HELZ: variants seen among roughly 807,000 people sequenced by gnomAD.
The protein encoded by HELZ is helicase with zinc finger.
HELZ carries 23 observed loss-of-function variants against 218.2 expected under a neutral mutation model. That is an observed-to-expected ratio of 0.11 (90% CI 0.08 to 0.15). HELZ has a LOEUF of 0.15. HELZ is among the 10% of genes least tolerant of loss of function. The pLI is 1.00. For missense variants in HELZ, 1,813 were observed against 2,353.7 expected (o/e 0.77, Z 4.75); for synonymous variants, 814 against 829.4 (o/e 0.98, Z 0.32).
intron 3 of HELZ, among the ~76,000 whole-genome samples, chr17:67,236,353 CAGT>C (rs1567918031): frequency 6.6e-6 from 1 of 152,064 alleles, no homozygotes; most frequent in Admixed American, 6.6e-5. Context: ...CCCTTGAAAA[CAGT>C]AGGACAATAT....
rs1309715492 is a variant in HELZ at position 67,075,083 on chromosome 17, T to C, written c.*3169A>G. ...CCCCCTTTAAAGACACACAAGAAAA[T>C]ATCCATGTTACACGGAATGAGGTTC... On this transcript the variant is annotated 3_prime_UTR_variant, in exon 33 of 33. Coordinates refer to ENST00000358691, the MANE Select transcript of HELZ (RefSeq NM_014877.4). The C allele has an allele frequency of 6.6e-6, 1 of 151,868 alleles. No individual in the cohort carries two copies. Among genetic ancestry groups the C allele is most frequent in the Non-Finnish European group, 1.5e-5 (1 of 67,942 alleles). The allele number at this position is 151,868 out of a possible 1,614,324, so 9.4% of individuals were successfully genotyped here.
intron 9 of HELZ, among the ~76,000 whole-genome samples, chr17:67,193,344 CAAAA>C (rs34516607): frequency 4.4e-5 from 4 of 91,862 alleles, no homozygotes; most frequent in Non-Finnish European, 6.5e-5. Context: ...GACTCTGTCT[CAAAA>C]AAAAAAAAAA....
intron 5 of HELZ, among the ~76,000 whole-genome samples, chr17:67,208,591 T>C (rs2040366417): frequency 6.6e-6 from 1 of 151,982 alleles, no homozygotes; most frequent in Admixed American, 6.6e-5. Flanking sequence ...TTTTAAAAAA[T>C]AGTTTGTAAC....
intron 6 of HELZ, 36 bp from the exon 7 acceptor site, chr17:67,201,221 G>C (rs1198936354): frequency 7.1e-7 from 1 of 1,406,256 alleles, no homozygotes. Flanking sequence ...GAACCAATTA[G>C]TATATTAATT....
intron 13 of HELZ, among the ~76,000 whole-genome samples, chr17:67,171,019 T>C (rs1353275093): frequency 1.3e-5 from 2 of 151,368 alleles, no homozygotes; most frequent in African/African-American, 2.5e-5. Context: ...AAGAATCTTT[T>C]TGCTAAGATG....
chr17:67,127,991 C>T (rs1296929792), intron 24 of HELZ, among the ~76,000 whole-genome samples: 1 of 152,160 alleles, frequency 6.6e-6, no homozygotes. Flanking sequence ...TCAGAACCTT[C>T]TTTTCTAGAT....
intron 12 of HELZ, among the ~76,000 whole-genome samples, chr17:67,181,718 A>T (rs1783859375): frequency 1.3e-5 from 2 of 152,118 alleles, no homozygotes; most frequent in Admixed American, 6.5e-5. Flanking sequence ...TTGAAAAAAA[A>T]ATCCACATAT....
At chr17:67,137,416 A>G (rs1168935103) in intron 22 of HELZ, among the ~76,000 whole-genome samples, 1 of 152,202 alleles carries the variant, frequency 6.6e-6, no homozygotes, top group Admixed American at 6.6e-5. Flanking sequence ...ACTGCTGTAT[A>G]TTACTCTTAC....
chr17:67,198,677 GT>G (rs547173018), intron 7 of HELZ, among the ~76,000 whole-genome samples: 58 of 152,264 alleles, frequency 3.8e-4, no homozygotes, highest in Admixed American at 9.1e-4. Flanking sequence ...TCAGTCTTGA[GT>G]TCCAGGTCTT....
intron 27 of HELZ, among the ~76,000 whole-genome samples, chr17:67,118,608 CAGG>C (rs2037498540): frequency 7.2e-6 from 1 of 138,188 alleles, no homozygotes; most frequent in Admixed American, 8.3e-5. Flanking sequence ...CCCAGATACT[CAGG>C]AGGCTGAGGT....
In HELZ at chr17:67,086,972, C is replaced by T; in HGVS notation, c.5351G>A (p.Cys1784Tyr). ...VSTPQDSLAQCKELQDHSNQS... is the reference protein window; with the variant it reads ...VSTPQDSLAQYKELQDHSNQS... ...GTTACTGTGGTCCTGAAGCTCTTTA[C>T]ACTGAGCCAGACTGTCTTGAGGAGT... is the stretch of plus-strand genomic sequence containing the variant. Residue 1784 changes from cysteine to tyrosine, a missense_variant, in exon 32 of 33, where the codon TGT becomes TAT. Transcript: ENST00000358691. The T allele has an allele frequency of 6.2e-7, 1 of 1,614,008 alleles. No homozygotes were observed. Among genetic ancestry groups the T allele is most frequent in the Non-Finnish European group, 8.5e-7 (1 of 1,180,030 alleles).
rs527713458 is a variant in HELZ, at chr17:67,092,302, A to G, written c.5242-5221T>C. 2.6e-4 allele frequency among the ~76,000 whole-genome samples: 39 copies of G among 152,324 alleles called. No homozygotes were observed. In the Middle Eastern group the frequency reaches 0.014, roughly 53 times the overall value. ...GAATACATGGAGACTGGATGGAGGA[A>G]TGGTGTCTGTGGAAGAAGAATGAAA... On this transcript the variant is annotated intron_variant, in intron 31 of 32. Transcript: ENST00000358691.
At chr17:67,186,013 T>C (rs750025328) in intron 12 of HELZ, among the ~76,000 whole-genome samples, 1 of 152,186 alleles carries the variant, frequency 6.6e-6, no homozygotes. Context: ...TCAATCATCT[T>C]GGAAAACTAC....
chr17:67,242,190 C>T (rs1439467248), intron 2 of HELZ, among the ~76,000 whole-genome samples: 1 of 152,154 alleles, frequency 6.6e-6, no homozygotes, highest in African/African-American at 2.4e-5. Flanking sequence ...CCAAGGCGGG[C>T]AGATCACCTG....
intron 13 of HELZ, among the ~76,000 whole-genome samples, chr17:67,169,580 A>G (rs1437022263): frequency 6.6e-6 from 1 of 152,204 alleles, no homozygotes; most frequent in Admixed American, 6.5e-5. Flanking sequence ...TACTGTCCCA[A>G]TGGCAATTAC....
At position 67,078,479 on chromosome 17, in the gene HELZ, G is replaced by A; in HGVS notation, c.5602C>T (p.Pro1868Ser). 2 of 1,580,446 alleles carry A rather than the reference G, an allele frequency of 1.3e-6. No individual in the cohort carries two copies. The highest frequency in any genetic ancestry group is 1.7e-6 in the Non-Finnish European group (2 of 1,166,362). The change falls in exon 33 of 33, where the codon CCC becomes TCC. Residue 1868 changes from proline to serine, a missense_variant. Physicochemically the swap from Pro to Ser is moderately conservative, Grantham distance 74. Coordinates refer to ENST00000358691, the MANE Select transcript of HELZ (RefSeq NM_014877.4). Reference sequence around the variant, plus strand: ...GCGATCTGCTTGTTAGGCATAAGGGGTGGAAACTGGCCAAGATGCTGCAGC... The same window carrying A: ...GCGATCTGCTTGTTAGGCATAAGGGATGGAAACTGGCCAAGATGCTGCAGC... ...SVLQHLGQFP[P>S]LMPNKQIAES...
Position 67,072,141 on chromosome 17 carries a change from C to A in HELZ, c.*6111G>T, listed in dbSNP as rs900694983. ...CATGAGGTCAAGAGATGGAGACCAT[C>A]CTGGCCAACACGGTGAAACCCCGTC... On this transcript the variant is annotated 3_prime_UTR_variant, in exon 33 of 33. Transcript: ENST00000358691. 7 of 152,668 alleles carry A rather than the reference C, an allele frequency of 4.6e-5. No individual in the cohort carries two copies. Among genetic ancestry groups the A allele is most frequent in the African/African-American group, 1.7e-4 (7 of 41,552 alleles). The allele number at this position is 152,668 out of a possible 1,614,324, so 9.5% of individuals were successfully genotyped here. A position where few individuals can be genotyped will look rare whatever the true frequency, so the allele number is the denominator to read the frequency against.
intron 12 of HELZ, among the ~76,000 whole-genome samples, chr17:67,184,054 C>A (rs2039684806): frequency 1.3e-5 from 2 of 150,856 alleles, no homozygotes; most frequent in Admixed American, 6.6e-5. Flanking sequence ...TCCTCCAATT[C>A]AAATTTGAAT....
intron 20 of HELZ, among the ~76,000 whole-genome samples, chr17:67,148,249 C>T (rs960733225): frequency 6.6e-6 from 1 of 152,094 alleles, no homozygotes; most frequent in Non-Finnish European, 1.5e-5. Flanking sequence ...GTGTCCCCTG[C>T]GGAACTGGTT....
Sources: allele counts gnomAD v4.1 joint callset (sites outside exome capture counted in the v4.1 genomes callset), GRCh38; gene constraint gnomAD v4.1.1; transcripts MANE v1.5; gene names NCBI Gene and HGNC (gene_info 2026-07-23, HGNC 2026-07-21).